The following RASSF8 variants were observed in gnomAD, a reference collection of about 807,000 sequenced individuals.
The protein encoded by RASSF8 is ras association domain-containing protein 8.
A neutral mutation model predicts 48.5 loss-of-function variants in RASSF8; 22 were observed. That is an observed-to-expected ratio of 0.45 (90% CI 0.32 to 0.65). The LOEUF (loss-of-function observed/expected upper bound fraction) is 0.65, where lower values mean the gene tolerates loss of function less well. RASSF8 is among the 30% of genes least tolerant of loss of function. The pLI is 0.03. For synonymous variants in RASSF8, 127 were observed against 171.5 expected (o/e 0.74, Z 2.03); for missense variants, 418 against 489.2 (o/e 0.85, Z 1.37).
Position 26,055,461 on chromosome 12 carries a change from T to C in RASSF8, c.103+15T>C, listed in dbSNP as rs766754490. 6.3e-7 allele frequency: 1 copy of C among 1,587,778 alleles called. No homozygotes were observed. Among genetic ancestry groups the C allele is most frequent in the South Asian group, 1.1e-5 (1 of 90,480 alleles). Reference sequence around the variant, plus strand: ...TCAAGCAATAGGTGAGTGAACTCTGTGGGTATCTGAGAAAAGTACATTGTG... The same window carrying C: ...TCAAGCAATAGGTGAGTGAACTCTGCGGGTATCTGAGAAAAGTACATTGTG... On this transcript the variant is annotated intron_variant, in intron 3 of 5. Coordinates refer to ENST00000689635, the MANE Select transcript of RASSF8 (RefSeq NM_001394098.1).
At position 26,068,699 on chromosome 12, in the gene RASSF8, G is replaced by A. The variant is rs900975985; in HGVS notation, c.1141G>A (p.Ala381Thr). ...GGCTCTCTTTGTTTCCTGTTTAGAG[G>A]CACCATTCCAGTCTGGGTCCCTGAA... is the stretch of plus-strand genomic sequence containing the variant. The part of the protein sequence containing the change: ...EASHADIERE[A>T]PFQSGSLKRP... The change falls in exon 6 of 6, where the codon GCA becomes ACA. Residue 381 changes from alanine to threonine, a missense_variant and splice_region_variant. Physicochemically the swap from Ala to Thr is moderately conservative, Grantham distance 58. Coordinates refer to ENST00000689635, the MANE Select transcript of RASSF8 (RefSeq NM_001394098.1). The A allele has an allele frequency of 2.4e-5, 37 of 1,536,706 alleles. No individual in the cohort carries two copies. In the African/African-American group the frequency reaches 4.7e-4, roughly 19 times the overall value.
At chr12:26,039,496 CA>C (rs1475131060) in intron 2 of RASSF8, among the ~76,000 whole-genome samples, 1 of 151,988 alleles carries the variant, frequency 6.6e-6, no homozygotes, top group Non-Finnish European at 1.5e-5. Context: ...GTCGGTGTTG[CA>C]AAATGATAGT....
chr12:26,005,385 A>G (rs1307400407), intron 2 of RASSF8, among the ~76,000 whole-genome samples: 3 of 152,180 alleles, frequency 2.0e-5, no homozygotes, highest in Non-Finnish European at 4.4e-5. Context: ...GACAGGTGTG[A>G]AACTGCAACT....
At chr12:26,053,735 T>C (rs1015788388) in intron 2 of RASSF8, among the ~76,000 whole-genome samples, 5 of 152,218 alleles carry the variant, frequency 3.3e-5, no homozygotes, top group Admixed American at 6.5e-5. Flanking sequence ...CCCTTCTTTC[T>C]TCATACAGGG....
chr12:26,073,774 C>T (rs887513857), downstream of RASSF8, among the ~76,000 whole-genome samples: 29 of 124,068 alleles, frequency 2.3e-4, 1 homozygote, highest in African/African-American at 8.7e-4. Flanking sequence ...CACACACACA[C>T]ACATATATAT....
chr12:26,022,798 A>G (rs1207451677), intron 2 of RASSF8, among the ~76,000 whole-genome samples: 1 of 151,970 alleles, frequency 6.6e-6, no homozygotes, highest in Non-Finnish European at 1.5e-5. Flanking sequence ...TTGGAGTGCA[A>G]TGGCGCGATC....
chr12:26,059,404 A>G (rs79231328), intron 3 of RASSF8, among the ~76,000 whole-genome samples: 1 of 152,234 alleles, frequency 6.6e-6, no homozygotes, highest in African/African-American at 2.4e-5. Flanking sequence ...AAATTTAAAA[A>G]TTGATTACTT....
exon 6 of RASSF8, chr12:26,079,310 C>T (rs180812067): frequency 1.1e-3 from 370 of 337,022 alleles, no homozygotes; most frequent in Middle Eastern, 8.6e-3. Context: ...AGGGGCTGGG[C>T]ATGGTGGCTC....
intron 1 of RASSF8, among the ~76,000 whole-genome samples, chr12:25,963,016 G>GA (rs144325302): frequency 8.4e-4 from 127 of 151,738 alleles, no homozygotes; most frequent in Non-Finnish European, 1.5e-3. Flanking sequence ...TTACTGAAAG[G>GA]AAAAAAAATC....
At chr12:26,060,186 C>T (rs1048721591) in intron 3 of RASSF8, among the ~76,000 whole-genome samples, 5 of 152,210 alleles carry the variant, frequency 3.3e-5, no homozygotes, top group South Asian at 4.1e-4. Flanking sequence ...TGTGAGCCAC[C>T]GTGCCTGACC....
chr12:25,978,147 A>G (rs777211335), intron 1 of RASSF8, among the ~76,000 whole-genome samples: 2 of 152,212 alleles, frequency 1.3e-5, no homozygotes, highest in Non-Finnish European at 2.9e-5. Context: ...AACTCTTCTA[A>G]CACAATTTTT....
At position 26,064,947 on chromosome 12, in the gene RASSF8, G is replaced by A. The variant is rs1412366947; in HGVS notation, c.553G>A (p.Glu185Lys). 6.2e-7 allele frequency: 1 copy of A among 1,613,896 alleles called. No individual in the cohort carries two copies. ...GCTTCAATCCATTGAGAAACAGCTG[G>A]AATCTAATGAAATAGAAATAAGATT... ...EKLQSIEKQL[E>K]SNEIEIRFWE... The change falls in exon 4 of 6, where the codon GAA becomes AAA. Residue 185 changes from glutamate to lysine, a missense_variant. By Grantham distance (56) the Glu-to-Lys change is moderately conservative (BLOSUM62 1). Transcript: ENST00000689635.
chr12:25,994,897 G>A (rs1942097705), intron 1 of RASSF8, 140 bp from the exon 2 acceptor site: 2 of 152,218 alleles, frequency 1.3e-5, no homozygotes, highest in South Asian at 2.1e-4. Context: ...TGGGGACAGG[G>A]GAGGAAAATT....
chr12:26,022,724 T>A (rs999853538), intron 2 of RASSF8, among the ~76,000 whole-genome samples: 1 of 151,694 alleles, frequency 6.6e-6, no homozygotes, highest in Admixed American at 6.6e-5. Context: ...CTAAAGGGGC[T>A]CCACAGTTGA....
intron 2 of RASSF8, among the ~76,000 whole-genome samples, chr12:26,054,338 G>C (rs928754765): frequency 1.3e-5 from 2 of 152,134 alleles, no homozygotes; most frequent in Non-Finnish European, 2.9e-5. Context: ...ATATGACAAA[G>C]TAAAAATTTC....
chr12:26,076,414 C>G (rs1413719235), downstream of RASSF8, among the ~76,000 whole-genome samples: 1 of 152,174 alleles, frequency 6.6e-6, no homozygotes, highest in Non-Finnish European at 1.5e-5. Flanking sequence ...ATCCCTCCCC[C>G]AGCTCCCCAC....
chr12:26,071,575 G>C lies in RASSF8; in HGVS notation c.*2757G>C, dbSNP rs954687079. On this transcript the variant is annotated 3_prime_UTR_variant, in exon 6 of 6. Transcript: ENST00000689635. ...AATGGCCCATAGTGTGTTGCCTGTG[G>C]ACATAGTGTCCATAGTCCCTTTCTT... The C allele has an allele frequency of 2.9e-5, 29 of 984,400 alleles. No individual in the cohort carries two copies. The highest frequency in any genetic ancestry group is 3.5e-5 in the Non-Finnish European group (29 of 829,148). 61.0% of individuals were successfully genotyped at this position (984,400 alleles called of 1,614,324 possible).
chr12:26,004,789 A>G (rs998334381), intron 2 of RASSF8, among the ~76,000 whole-genome samples: 5 of 152,150 alleles, frequency 3.3e-5, no homozygotes, highest in Non-Finnish European at 7.3e-5. Flanking sequence ...AATTCTGGAA[A>G]ATAGGTTTTT....
intron 2 of RASSF8, among the ~76,000 whole-genome samples, chr12:26,003,149 T>C (rs1157575057): frequency 2.0e-5 from 3 of 152,156 alleles, no homozygotes; most frequent in Non-Finnish European, 4.4e-5. Flanking sequence ...GTTTGTTGAG[T>C]GTTTTTATCA....
Sources: gnomAD v4.1 joint callset for allele counts (sites outside exome capture counted in the v4.1 genomes callset) on GRCh38, gnomAD v4.1.1 for gene constraint, MANE v1.5 for transcripts, NCBI Gene and HGNC (gene_info 2026-07-23, HGNC 2026-07-21) for gene names.